Variants in HDAC5 observed in about 807,000 individuals in gnomAD.
HDAC5 encodes the protein histone deacetylase 5, also known as antigen NY-CO-9.
In HDAC5, 25 loss-of-function variants were observed where a neutral mutation model predicts 133.3. The ratio of observed to expected loss-of-function variants is 0.19; its 90% CI spans 0.14 to 0.26. The LOEUF (loss-of-function observed/expected upper bound fraction) is 0.26. Among genes scored for constraint, HDAC5 ranks in the 10% least tolerant of loss-of-function variants. The probability of loss-of-function intolerance (pLI) is 1.00; values close to 1 mark genes in which losing one functional copy is unlikely to be tolerated. For synonymous variants in HDAC5, 589 were observed against 610.8 expected (o/e 0.96, Z 0.53); for missense variants, 1,041 against 1,460.5 (o/e 0.71, Z 4.68).
Position 44,078,068 on chromosome 17 carries a change from GCCCCCGT to G in HDAC5, c.*301_*307del. On this transcript the variant is annotated 3_prime_UTR_variant, in exon 27 of 27. Transcript: ENST00000682912. ...CCCAGAACTGGAGAGTACTGTCTGGGCCCCCGTGCCCACCTTGAGCTGGCCCAGGCTC... is the reference window on the plus strand; with the variant it reads ...CCCAGAACTGGAGAGTACTGTCTGGGGCCCACCTTGAGCTGGCCCAGGCTC... 3.3e-6 allele frequency: 1 copy of G among 301,520 alleles called. No individual in the cohort carries two copies. The highest frequency in any genetic ancestry group is 1.2e-4 in the South Asian group (1 of 8,324). The allele number at this position is 301,520 out of a possible 1,614,324, so 18.7% of individuals were successfully genotyped here.
At chr17:44,119,997 C>G (rs1194877130) in intron 1 of HDAC5, 4 of 152,432 alleles carry the variant, frequency 2.6e-5, no homozygotes, top group African/African-American at 7.2e-5. Context: ...ACCCCTACCC[C>G]ACTCCGGGAT....
intron 1 of HDAC5, among the ~76,000 whole-genome samples, chr17:44,122,089 G>A (rs1443192800): frequency 1.3e-5 from 2 of 152,054 alleles, no homozygotes; most frequent in Non-Finnish European, 2.9e-5. Context: ...GGAGAGGAAG[G>A]AGGGAAGACT....
chr17:44,111,297 G>C (rs747055053), intron 2 of HDAC5: 164 of 324,006 alleles, frequency 5.1e-4, no homozygotes, highest in Non-Finnish European at 9.1e-4. Flanking sequence ...TCTATAAATA[G>C]GTGGAGCATG....
chr17:44,098,972 CGG>C (rs1373628214), intron 3 of HDAC5, among the ~76,000 whole-genome samples: 1 of 151,244 alleles, frequency 6.6e-6, no homozygotes, highest in Non-Finnish European at 1.5e-5. Flanking sequence ...CAAAATTAGC[CGG>C]GTGTGGTGAT....
chr17:44,088,551 T>C lies in HDAC5; in HGVS notation c.1435A>G (p.Thr479Ala). 6.2e-7 allele frequency: 1 copy of C among 1,613,578 alleles called. No individual in the cohort carries two copies. The highest frequency in any genetic ancestry group is 8.5e-7 in the Non-Finnish European group (1 of 1,179,982). ...AGCTTGCCTACCGTCCGCATGCTGG[T>C]GGCCACACGTTCACCCGTCACTAGT... ...SPLVTGERVA[T>A]SMRTVGKLPR... is the part of the protein sequence containing the mutation. Residue 479 changes from threonine (T) to alanine (A), a missense_variant, in exon 12 of 27, where the codon ACC becomes GCC. By Grantham distance (58) the Thr-to-Ala change is moderately conservative (BLOSUM62 0). Around this residue, in one of 9 missense-constraint regions of HDAC5, gnomAD observed 433 missense variants for 531.6 expected, o/e 0.81. Coordinates refer to ENST00000682912, the MANE Select transcript of HDAC5 (RefSeq NM_005474.5).
At position 44,087,444 on chromosome 17, in the gene HDAC5, C is replaced by G. The variant is rs201567161; in HGVS notation, c.1852G>C (p.Asp618His). 7.8e-7 allele frequency: 1 copy of G among 1,283,954 alleles called. No homozygotes were observed. Among genetic ancestry groups the G allele is most frequent in the African/African-American group, 1.5e-5 (1 of 68,474 alleles). The allele number at this position is 1,283,954 out of a possible 1,614,324, so 79.5% of individuals were successfully genotyped here. The stretch of plus-strand genomic sequence containing the variant: ...TATCCAGCACCAGGCTCCTCCAAGT[C>G]GGGCCCCTCCTCAGCACCACTCTCG... ...EGESGAEEGP[D>H]LEEPGAGYKK... Residue 618 changes from aspartate to histidine, a missense_variant, in exon 13 of 27, where the codon GAC becomes CAC. Asp to His is a moderately conservative substitution (Grantham distance 81). Transcript: ENST00000682912.
At chr17:44,110,217 A>G (rs1327400685) in intron 3 of HDAC5, among the ~76,000 whole-genome samples, 2 of 152,188 alleles carry the variant, frequency 1.3e-5, no homozygotes, top group Non-Finnish European at 2.9e-5. Context: ...AGCCTCCCCA[A>G]GTGTCTGATT....
chr17:44,084,564 T>G lies in HDAC5; in HGVS notation c.2296A>C (p.Lys766Gln), dbSNP rs1316312246. 2 of 1,614,074 alleles carry G rather than the reference T, an allele frequency of 1.2e-6. No homozygotes were observed. The highest frequency in any genetic ancestry group is 1.7e-6 in the Non-Finnish European group (2 of 1,179,980). ...PLNRQKLDSKKLLGPISQKMY... is the reference protein window; with the variant it reads ...PLNRQKLDSKQLLGPISQKMY... The stretch of plus-strand genomic sequence containing the variant: ...CCATGTGCCAGCTCACCGAGCAACT[T>G]CTTGCTGTCTAGCTTCTGCCGGTTG... Residue 766 changes from lysine to glutamine, a missense_variant, in exon 16 of 27, where the codon AAG (lysine) becomes CAG (glutamine). Around this residue, in one of 9 missense-constraint regions of HDAC5, gnomAD observed 31 missense variants for 27.0 expected, o/e 1.15. Transcript: ENST00000682912.
chr17:44,104,653 G>A (rs746885925), intron 3 of HDAC5, among the ~76,000 whole-genome samples: 38 of 152,224 alleles, frequency 2.5e-4, no homozygotes, highest in Non-Finnish European at 4.4e-4. Flanking sequence ...GGGCCACTCT[G>A]TGCTCTTGGC....
At chr17:44,104,472 A>T (rs1479786882) in intron 3 of HDAC5, among the ~76,000 whole-genome samples, 1 of 152,160 alleles carries the variant, frequency 6.6e-6, no homozygotes, top group African/African-American at 2.4e-5. Context: ...GACTGTCTGA[A>T]TGTCACTCTG....
chr17:44,118,173 A>T (rs1391756968), intron 1 of HDAC5, among the ~76,000 whole-genome samples: 1 of 152,198 alleles, frequency 6.6e-6, no homozygotes, highest in Non-Finnish European at 1.5e-5. Flanking sequence ...TCTTCTCCCG[A>T]CTTTCTGATC....
intron 14 of HDAC5, among the ~76,000 whole-genome samples, chr17:44,085,799 A>G (rs2050620316): frequency 1.3e-5 from 2 of 151,068 alleles, no homozygotes; most frequent in Non-Finnish European, 2.9e-5. Flanking sequence ...ACTGCACCCA[A>G]CCTATTTTTT....
intron 3 of HDAC5, among the ~76,000 whole-genome samples, chr17:44,105,482 C>G (rs565027886): frequency 1.8e-4 from 27 of 152,328 alleles, no homozygotes; most frequent in African/African-American, 5.8e-4. Context: ...GCACACTAAC[C>G]ATTCAAAGTC....
At position 44,092,676 on chromosome 17, in the gene HDAC5, C is replaced by T; in HGVS notation, c.772G>A (p.Ala258Thr). ...SRDDFPLRKT[A>T]SEPNLKVRSR... ...GAGGCCAGGTGGGGGACTCACTCAC[C>T]TGTTTTGCGGAGGGGGAAGTCGTCT... The change falls in exon 7 of 27, where the codon GCC becomes ACC. Residue 258 changes from alanine (A) to threonine (T), a missense_variant and splice_region_variant. Around this residue, in one of 9 missense-constraint regions of HDAC5, gnomAD observed 8 missense variants for 31.9 expected, o/e 0.25. Transcript: ENST00000682912. 1 of 1,522,396 alleles carries T rather than the reference C, an allele frequency of 6.6e-7. No homozygotes were observed. The highest frequency in any genetic ancestry group is 8.8e-7 in the Non-Finnish European group (1 of 1,133,840). The allele number at this position is 1,522,396 out of a possible 1,614,324, so 94.3% of individuals were successfully genotyped here.
chr17:44,085,733 C>G (rs1433180603), intron 14 of HDAC5, among the ~76,000 whole-genome samples: 1 of 152,172 alleles, frequency 6.6e-6, no homozygotes, highest in Non-Finnish European at 1.5e-5. Context: ...AACTCCTGAC[C>G]TCAGGTAATC....
chr17:44,110,639 C>A, intron 3 of HDAC5, 90 bp downstream of exon 3: 3 of 1,000,134 alleles, frequency 3.0e-6, no homozygotes, highest in South Asian at 1.3e-5. Flanking sequence ...TATGCAGGAC[C>A]CTATCTGTGC....
rs1033981237 is a variant in HDAC5 at position 44,077,585 on chromosome 17, G to C, written c.*791C>G. On this transcript the variant is annotated 3_prime_UTR_variant, in exon 27 of 27. Coordinates refer to ENST00000682912, the MANE Select transcript of HDAC5 (RefSeq NM_005474.5). Reference sequence around the variant, plus strand: ...CCTTGCCCAGGCTGTGCCAGCAGAGGGGCAGGGAGGCCATCCGAGTAAGGT... The same window carrying C: ...CCTTGCCCAGGCTGTGCCAGCAGAGCGGCAGGGAGGCCATCCGAGTAAGGT... 1.3e-5 allele frequency: 2 copies of C among 152,286 alleles called. No individual in the cohort carries two copies. The highest frequency in any genetic ancestry group is 4.8e-5 in the African/African-American group (2 of 41,464). The allele number at this position is 152,286 out of a possible 1,614,324, so 9.4% of individuals were successfully genotyped here. A position where few individuals can be genotyped will look rare whatever the true frequency, so the allele number is the denominator to read the frequency against.
chr17:44,087,037 C>A (rs1036574628), intron 13 of HDAC5, among the ~76,000 whole-genome samples: 1 of 151,526 alleles, frequency 6.6e-6, no homozygotes, highest in African/African-American at 2.4e-5. Context: ...TCGGCTGTGT[C>A]CGCAATGAAT....
rs386386141 is a variant in HDAC5, at chr17:44,089,931, C to CAAAA, written c.1387+1335_1388-1334dup. On this transcript the variant is annotated intron_variant, in intron 11 of 26. Coordinates refer to ENST00000682912, the MANE Select transcript of HDAC5 (RefSeq NM_005474.5). ...TGGGCAACAAAGTGAGATTCTGTCT[C>CAAAA]AAAAAAAAAAAAAAAAAAAGGATGA... 5.3e-3 allele frequency among the ~76,000 whole-genome samples: 459 copies of CAAAA among 86,496 alleles called. 5 individuals carry two copies. Among genetic ancestry groups the CAAAA allele is most frequent in the African/African-American group, 0.02 (402 of 20,002 alleles). The allele number at this position is 86,496 out of a possible 152,430, so 56.7% of individuals were successfully genotyped here.
Sources: gnomAD v4.1 joint callset for allele counts (sites outside exome capture counted in the v4.1 genomes callset) on GRCh38, gnomAD v4.1.1 for gene constraint, gnomAD v4.1.1 regional missense constraint, MANE v1.5 for transcripts, NCBI Gene and HGNC (gene_info 2026-07-23, HGNC 2026-07-21) for gene names.